The following ANO10 variants were observed in gnomAD, a reference collection of about 807,000 sequenced individuals.
ANO10 encodes anoctamin-10.
ANO10 carries 77 observed loss-of-function variants against 74.7 expected under a neutral mutation model. The ratio of observed to expected loss-of-function variants is 1.03; its 90% CI spans 0.86 to 1.25. The LOEUF is 1.25. ANO10 is among the 50% of genes most tolerant of loss of function. The probability of loss-of-function intolerance (pLI) is 0.00; values close to 1 mark genes in which losing one functional copy is unlikely to be tolerated. For synonymous variants in ANO10, 279 were observed against 284.9 expected (o/e 0.98, Z 0.21); for missense variants, 721 against 778.1 (o/e 0.93, Z 0.87).
chr3:43,490,425 G>A (rs2076675130), intron 11 of ANO10, among the ~76,000 whole-genome samples: 1 of 152,168 alleles, frequency 6.6e-6, no homozygotes, highest in South Asian at 2.1e-4. Flanking sequence ...AGAGGGGGAA[G>A]AAAAGTATTT....
chr3:43,668,090 C>T lies in ANO10; in HGVS notation c.-12+23427G>A, dbSNP rs549578430. Among the ~76,000 whole-genome samples the T allele has an allele frequency of 1.1e-4, 16 of 152,264 alleles. No individual in the cohort carries two copies. In the South Asian group the frequency reaches 2.9e-3, roughly 28 times the overall value. On this transcript the variant is annotated intron_variant, in intron 1 of 3. Transcript: ENST00000413397. ...TCCCTTTTCACCACATCCACACCAA[C>T]GTCTATTGTTTTTTGACTTTTTTAT...
chr3:43,382,190 A>G (rs1297488241), intron 12 of ANO10, among the ~76,000 whole-genome samples: 1 of 152,190 alleles, frequency 6.6e-6, no homozygotes, highest in Non-Finnish European at 1.5e-5. Flanking sequence ...GACAAACAAG[A>G]ACAAACCAAA....
chr3:43,686,312 G>T lies in ANO10; in HGVS notation c.-12+5205C>A, dbSNP rs935346026. ...TTTATTCTTTTTTTTTGGAGACAGG[G>T]TCTCACTCTGTCATCCAGCCTGGGG... On this transcript the variant is annotated intron_variant, in intron 1 of 3. Transcript: ENST00000413397. Among the ~76,000 whole-genome samples, 110 of 152,066 alleles carry T rather than the reference G, an allele frequency of 7.2e-4. 1 individual carries two copies. The highest frequency in any genetic ancestry group is 2.5e-3 in the African/African-American group (103 of 41,492).
Position 43,366,887 on chromosome 3 carries a change from A to G in ANO10, c.*19T>C. On this transcript the variant is annotated 3_prime_UTR_variant, in exon 13 of 13. Coordinates refer to ENST00000292246, the MANE Select transcript of ANO10 (RefSeq NM_018075.5). ...AGACACAGGCCTCTGCCAACAGGGC[A>G]GCTGGGCACGCTGGGCACTCAGGTT... The G allele has an allele frequency of 6.4e-7, 1 of 1,572,662 alleles. No homozygotes were observed. The highest frequency in any genetic ancestry group is 8.6e-7 in the Non-Finnish European group (1 of 1,158,734).
chr3:43,590,685 G>C (rs1396953280), intron 4 of ANO10, among the ~76,000 whole-genome samples: 1 of 152,200 alleles, frequency 6.6e-6, no homozygotes, highest in Non-Finnish European at 1.5e-5. Flanking sequence ...AAAAGAGACA[G>C]ACATAACCAA....
At chr3:43,483,415 T>C (rs375540786) in intron 11 of ANO10, among the ~76,000 whole-genome samples, 1 of 152,156 alleles carries the variant, frequency 6.6e-6, no homozygotes, top group Non-Finnish European at 1.5e-5. Flanking sequence ...CTGCTAGAAA[T>C]AGACTCAAAA....
chr3:43,405,374 CTTGGGCCAG>C (rs1447502216), intron 12 of ANO10, among the ~76,000 whole-genome samples: 1 of 152,250 alleles, frequency 6.6e-6, no homozygotes, highest in African/African-American at 2.4e-5. Flanking sequence ...AGAATGGCCA[CTTGGGCCAG>C]AAGTCCCACT....
chr3:43,417,629 A>G (rs2092761394), intron 12 of ANO10, among the ~76,000 whole-genome samples: 1 of 152,092 alleles, frequency 6.6e-6, no homozygotes, highest in South Asian at 2.1e-4. Context: ...CAAGACGACG[A>G]ACCCCAGGTA....
At chr3:43,491,269 T>C (rs2076710348) in intron 11 of ANO10, among the ~76,000 whole-genome samples, 1 of 152,048 alleles carries the variant, frequency 6.6e-6, no homozygotes, top group Non-Finnish European at 1.5e-5. Flanking sequence ...ATCCCAGCAC[T>C]TTGGGAGGCT....
At chr3:43,679,240 C>G (rs1306160627) in intron 1 of ANO10, among the ~76,000 whole-genome samples, 3 of 152,204 alleles carry the variant, frequency 2.0e-5, no homozygotes, top group African/African-American at 7.2e-5. Context: ...TCACTCCCAC[C>G]CTAATACTGC....
intron 11 of ANO10, among the ~76,000 whole-genome samples, chr3:43,466,028 A>T (rs2075596427): frequency 6.6e-6 from 1 of 152,142 alleles, no homozygotes. Context: ...AACAACTTGA[A>T]AAAAGAACAA....
intron 1 of ANO10, among the ~76,000 whole-genome samples, chr3:43,683,949 A>C (rs1398935936): frequency 3.3e-5 from 5 of 152,066 alleles, no homozygotes; most frequent in African/African-American, 1.2e-4. Flanking sequence ...TTAAAGACTT[A>C]AATGTTAGAC....
intron 12 of ANO10, chr3:43,372,723 C>A: frequency 1.2e-6 from 1 of 851,264 alleles, no homozygotes; most frequent in Non-Finnish European, 1.9e-6. Context: ...AATGTTCTAT[C>A]CTACCTGGTA....
chr3:43,465,071 T>C lies in ANO10; in HGVS notation c.1798-32344A>G, dbSNP rs530509189. ...AATGAAGAAGATAATTTGTTTTTAT[T>C]TGCAGATGATGTGGTCATGTACAGA... On this transcript the variant is annotated intron_variant, in intron 11 of 12. Coordinates refer to ENST00000292246, the MANE Select transcript of ANO10 (RefSeq NM_018075.5). Among the ~76,000 whole-genome samples, 19 of 152,334 alleles carry C rather than the reference T, an allele frequency of 1.2e-4. No individual in the cohort carries two copies. In the East Asian group the frequency reaches 3.7e-3, roughly 29 times the overall value.
At chr3:43,427,051 C>T (rs1159416229) in intron 12 of ANO10, among the ~76,000 whole-genome samples, 3 of 152,102 alleles carry the variant, frequency 2.0e-5, no homozygotes, top group Admixed American at 2.0e-4. Flanking sequence ...TCCAAGGACC[C>T]TGAATTAGAA....
chr3:43,576,891 G>A lies in ANO10; in HGVS notation c.963C>T (p.Phe321=), dbSNP rs149196477. The A allele has an allele frequency of 2.1e-4, 332 of 1,614,154 alleles. 1 individual carries two copies. In the African/African-American group the frequency reaches 3.0e-3, roughly 15 times the overall value. The change falls in exon 6 of 13, where the codon TTC becomes TTT. Residue 321 remains phenylalanine (F), a synonymous_variant. Transcript: ENST00000292246. ...GTGAGAAATAGAGGCAGAGGCACAC[G>A]AATGGCAGGGAGACCAGGTAAATGC... is the stretch of plus-strand genomic sequence containing the variant. ...QLRIYLVSLP[F]VCLCLYFSLY...
At chr3:43,372,532 T>C (rs1387831917) in intron 12 of ANO10, among the ~76,000 whole-genome samples, 1 of 152,224 alleles carries the variant, frequency 6.6e-6, no homozygotes, top group Non-Finnish European at 1.5e-5. Flanking sequence ...CCACCCAGGC[T>C]TGCCTGCCCT....
intron 1 of ANO10, among the ~76,000 whole-genome samples, chr3:43,684,759 T>G (rs1429250781): frequency 6.6e-6 from 1 of 152,102 alleles, no homozygotes; most frequent in Non-Finnish European, 1.5e-5. Context: ...CCATAAAAAA[T>G]GATGAGTTCA....
chr3:43,500,686 T>C (rs1417162325), intron 11 of ANO10, among the ~76,000 whole-genome samples: 1 of 152,238 alleles, frequency 6.6e-6, no homozygotes, highest in African/African-American at 2.4e-5. Flanking sequence ...TTGAATGTAA[T>C]TGACTGAAAT....
Sources: allele counts gnomAD v4.1 joint callset (sites outside exome capture counted in the v4.1 genomes callset), GRCh38; gene constraint gnomAD v4.1.1; transcripts MANE v1.5; gene names NCBI Gene and HGNC (gene_info 2026-07-23, HGNC 2026-07-21).